The following BMPR2 variants were observed in gnomAD, a reference collection of about 807,000 sequenced individuals.
BMPR2 encodes the protein bone morphogenetic protein receptor type-2.
A neutral mutation model predicts 100.8 loss-of-function variants in BMPR2; 29 were observed. That is an observed-to-expected ratio of 0.29 (90% CI 0.21 to 0.39). BMPR2 has a LOEUF of 0.39. Ranked by LOEUF, BMPR2 falls within the 10% of genes least tolerant of loss-of-function variation. The pLI, the probability that BMPR2 is intolerant of heterozygous loss-of-function variation, is 1.00. For synonymous variants in BMPR2, 382 were observed against 442.3 expected (o/e 0.86, Z 1.71); for missense variants, 1,011 against 1,274.5 (o/e 0.79, Z 3.15).
chr2:202,555,013 T>TA (rs1688537933), intron 11 of BMPR2, among the ~76,000 whole-genome samples: 1 of 152,242 alleles, frequency 6.6e-6, no homozygotes, highest in African/African-American at 2.4e-5. Flanking sequence ...TGAACATTTA[T>TA]AAAAATTATA....
chr2:202,433,244 A>T (rs775410697), intron 1 of BMPR2, among the ~76,000 whole-genome samples: 1 of 150,444 alleles, frequency 6.6e-6, no homozygotes, highest in Non-Finnish European at 1.5e-5. Context: ...AACCAATAGG[A>T]GTAAGTAGAT....
intron 9 of BMPR2, among the ~76,000 whole-genome samples, chr2:202,533,132 TTTC>T (rs1439917097): frequency 6.6e-6 from 1 of 152,146 alleles, no homozygotes; most frequent in African/African-American, 2.4e-5. Flanking sequence ...ACTTTTTCCT[TTTC>T]TTTTTTTTTC....
intron 3 of BMPR2, among the ~76,000 whole-genome samples, chr2:202,500,707 G>A (rs1687368656): frequency 6.6e-6 from 1 of 152,222 alleles, no homozygotes; most frequent in Non-Finnish European, 1.5e-5. Context: ...ACGGTCAGTG[G>A]AGTCTAGTGC....
intron 9 of BMPR2, among the ~76,000 whole-genome samples, chr2:202,538,870 G>A (rs767770463): frequency 4.6e-5 from 7 of 151,532 alleles, no homozygotes; most frequent in Non-Finnish European, 7.4e-5. Context: ...ACTGTTCGAT[G>A]GGGTATTGAC....
rs756378901 is a variant in BMPR2, at chr2:202,555,753, A to C, written c.2088A>C (p.Pro696=). The stretch of plus-strand genomic sequence containing the variant: ...ACTCTCTTAAACAGTTCAGTGGCCC[A>C]GACCCACTGAGCAGTACTAGTTCTA... The part of the protein sequence containing the change: ...MEHSLKQFSG[P]DPLSSTSSSL... Residue 696 remains proline, a synonymous_variant, in exon 12 of 13, where the codon CCA becomes CCC. Transcript: ENST00000374580. 6 of 1,614,182 alleles carry C rather than the reference A, an allele frequency of 3.7e-6. No homozygotes were observed. Among genetic ancestry groups the C allele is most frequent in the Non-Finnish European group, 5.1e-6 (6 of 1,180,042 alleles).
intron 1 of BMPR2, 110 bp from the exon 2 acceptor site, chr2:202,464,699 C>G (rs1692284046): frequency 9.6e-7 from 1 of 1,036,816 alleles, no homozygotes; most frequent in African/African-American, 1.6e-5. Context: ...GATTTCAGTT[C>G]AAATAATTTA....
At chr2:202,497,247 C>T (rs990761184) in intron 3 of BMPR2, among the ~76,000 whole-genome samples, 1 of 152,230 alleles carries the variant, frequency 6.6e-6, no homozygotes, top group Non-Finnish European at 1.5e-5. Flanking sequence ...CCGCCCCCTG[C>T]TCCACGGCGC....
chr2:202,386,723 T>C (rs1447131987), intron 1 of BMPR2, among the ~76,000 whole-genome samples: 1 of 151,828 alleles, frequency 6.6e-6, no homozygotes, highest in African/African-American at 2.4e-5. Context: ...CTCTGTCGTC[T>C]AGGCTGGAGT....
rs544849028 is a variant in BMPR2 at position 202,453,933 on chromosome 2, A to G, written c.77-10876A>G. On this transcript the variant is annotated intron_variant, in intron 1 of 12. Transcript: ENST00000374580. ...TGTATCAGAATATTTCATTTACCTCATATATACCTACTATGTACCCACAAA... is the reference window on the plus strand; with the variant it reads ...TGTATCAGAATATTTCATTTACCTCGTATATACCTACTATGTACCCACAAA... Among the ~76,000 whole-genome samples the G allele has an allele frequency of 8.9e-4, 136 of 152,290 alleles. 1 individual carries two copies. The highest frequency in any genetic ancestry group is 3.1e-3 in the African/African-American group (128 of 41,556).
At chr2:202,465,192 C>T (rs1574462776) in intron 2 of BMPR2, among the ~76,000 whole-genome samples, 1 of 152,148 alleles carries the variant, frequency 6.6e-6, no homozygotes, top group Non-Finnish European at 1.5e-5. Context: ...TTGAGACCAG[C>T]CTGGGTAATA....
rs903865249 is a variant in BMPR2 at position 202,506,133 on chromosome 2, C to T, written c.419-7586C>T. Among the ~76,000 whole-genome samples the T allele has an allele frequency of 2.0e-4, 30 of 152,008 alleles. 1 individual carries two copies. The highest frequency in any genetic ancestry group is 5.9e-5 in the Non-Finnish European group (4 of 68,012). On this transcript the variant is annotated intron_variant, in intron 3 of 12. Coordinates refer to ENST00000374580, the MANE Select transcript of BMPR2 (RefSeq NM_001204.7). ...CATGGCAGAGAACAGAAAGATAGAT[C>T]CTGTGTCTCCTCTTTTTTAATTTTT...
chr2:202,552,888 G>C lies in BMPR2; in HGVS notation c.1586G>C (p.Arg529Pro). The change falls in exon 11 of 13, where the codon CGC (arginine) becomes CCC (proline). Residue 529 changes from arginine (R) to proline (P), a missense_variant and splice_region_variant. Arg to Pro is a moderately radical substitution (Grantham distance 103). Around this residue, in one of 6 missense-constraint regions of BMPR2, gnomAD observed 508 missense variants for 552.0 expected, o/e 0.92. Coordinates refer to ENST00000374580, the MANE Select transcript of BMPR2 (RefSeq NM_001204.7). ...ATGTCTACTGCTATGCAGAATGAAC[G>C]GTAAGACCCTAAGGGGTGTGGCATC... is the stretch of plus-strand genomic sequence containing the variant. ...NPMSTAMQNE[R>P]NLSHNRRVPK... 1 of 1,614,090 alleles carries C rather than the reference G, an allele frequency of 6.2e-7. No homozygotes were observed. The highest frequency in any genetic ancestry group is 8.5e-7 in the Non-Finnish European group (1 of 1,180,012).
chr2:202,513,998 G>A (rs1225795381), intron 4 of BMPR2, among the ~76,000 whole-genome samples, 169 bp downstream of exon 4: 1 of 151,852 alleles, frequency 6.6e-6, no homozygotes, highest in Non-Finnish European at 1.5e-5. Flanking sequence ...TAAATTATCA[G>A]TCACTACCCC....
In BMPR2 at chr2:202,377,566, C is replaced by T; in HGVS notation, c.76+16C>T. 1 of 1,613,610 alleles carries T rather than the reference C, an allele frequency of 6.2e-7. No individual in the cohort carries two copies. The highest frequency in any genetic ancestry group is 8.5e-7 in the Non-Finnish European group (1 of 1,179,736). ...ACTGCGGCTGGTGAGTAGCTCCGGC[C>T]GGCACGTCCCGGCCACTGCCCCTGC... is the stretch of plus-strand genomic sequence containing the variant. On this transcript the variant is annotated intron_variant, in intron 1 of 12. Transcript: ENST00000374580.
At position 202,566,629 on chromosome 2, in the gene BMPR2, G is replaced by A. The variant is rs965622676; in HGVS notation, c.*6683G>A. The A allele has an allele frequency of 6.6e-6, 1 of 152,088 alleles. No homozygotes were observed. Among genetic ancestry groups the A allele is most frequent in the Non-Finnish European group, 1.5e-5 (1 of 67,990 alleles). 9.4% of individuals were successfully genotyped at this position (152,088 alleles called of 1,614,324 possible). ...TGTTTGTTTTTTAATAAGGGAACTT[G>A]GTAAAGTAGTTCCTGTCAGATAGGA... On this transcript the variant is annotated 3_prime_UTR_variant, in exon 13 of 13. Coordinates refer to ENST00000374580, the MANE Select transcript of BMPR2 (RefSeq NM_001204.7).
chr2:202,483,660 A>G (rs925944135), intron 3 of BMPR2, among the ~76,000 whole-genome samples: 1 of 152,042 alleles, frequency 6.6e-6, no homozygotes, highest in Non-Finnish European at 1.5e-5. Context: ...AGGCCTCCCA[A>G]AGTGCTGGGA....
chr2:202,419,833 G>T (rs1691221701), intron 1 of BMPR2, among the ~76,000 whole-genome samples: 1 of 151,974 alleles, frequency 6.6e-6, no homozygotes, highest in East Asian at 1.9e-4. Context: ...AGCAATATGA[G>T]AAATTAGAAA....
In BMPR2 at chr2:202,478,204, G is replaced by C. The variant is rs571834909; in HGVS notation, c.418+10515G>C. Among the ~76,000 whole-genome samples the C allele has an allele frequency of 8.5e-5, 13 of 152,296 alleles. No homozygotes were observed. In the South Asian group the frequency reaches 2.7e-3, roughly 32 times the overall value. ...TTTTGTGGTTTGAAATGGCCTGCAA[G>C]AGTGGTGCCAAAGTGCTGTCTAGTA... is the stretch of plus-strand genomic sequence containing the variant. On this transcript the variant is annotated intron_variant, in intron 3 of 12. Coordinates refer to ENST00000374580, the MANE Select transcript of BMPR2 (RefSeq NM_001204.7).
At position 202,552,872 on chromosome 2, in the gene BMPR2, G is replaced by C; in HGVS notation, c.1570G>C (p.Ala524Pro). The change falls in exon 11 of 13, where the codon GCT becomes CCT. Residue 524 changes from alanine to proline, a missense_variant. Ala to Pro is a conservative substitution (Grantham distance 27). Coordinates refer to ENST00000374580, the MANE Select transcript of BMPR2 (RefSeq NM_001204.7). ...CCCAACAGTCAATCCAATGTCTACT[G>C]CTATGCAGAATGAACGGTAAGACCC... is the stretch of plus-strand genomic sequence containing the variant. ...VSPTVNPMST[A>P]MQNERNLSHN... 1.2e-6 allele frequency: 2 copies of C among 1,614,184 alleles called. No individual in the cohort carries two copies. Among genetic ancestry groups the C allele is most frequent in the South Asian group, 1.1e-5 (1 of 91,084 alleles).
Sources: gnomAD v4.1 joint callset for allele counts (sites outside exome capture counted in the v4.1 genomes callset) on GRCh38, gnomAD v4.1.1 for gene constraint, gnomAD v4.1.1 regional missense constraint, MANE v1.5 for transcripts, NCBI Gene and HGNC (gene_info 2026-07-23, HGNC 2026-07-21) for gene names.